The following YIPF1 variants were observed in gnomAD, a reference collection of about 807,000 sequenced individuals.
YIPF1 encodes the protein Yip1 domain family member 1, also known as protein YIPF1.
A neutral mutation model predicts 37.0 loss-of-function variants in YIPF1; 22 were observed. The ratio of observed to expected loss-of-function variants is 0.59; its 90% CI spans 0.42 to 0.85. The LOEUF is 0.85. Ranked by LOEUF, YIPF1 falls within the 40% of genes least tolerant of loss-of-function variation. The pLI is 0.00. For synonymous variants in YIPF1, 128 were observed against 131.9 expected, an observed-to-expected ratio of 0.97 and a Z score of 0.21; for missense variants, 355 against 373.1, an observed-to-expected ratio of 0.95 and a Z score of 0.40.
rs1353343432 is a variant in YIPF1, at chr1:53,871,484, G to A, written c.369C>T (p.Pro123=). The change falls in exon 7 of 11, where the codon CCC becomes CCT. Residue 123 remains proline, a synonymous_variant. Coordinates refer to ENST00000072644, the MANE Select transcript of YIPF1 (RefSeq NM_018982.5). ...AGACCAACGTGGCACATATCCAAAA[G>A]GGGCCTGCAAAGGAAACCAGAAAAT... ...YIRSNPDLYG[P]FWICATLVFA... is the part of the protein sequence containing the mutation. 3 of 1,612,718 alleles carry A rather than the reference G, an allele frequency of 1.9e-6. No individual in the cohort carries two copies. The highest frequency in any genetic ancestry group is 2.5e-6 in the Non-Finnish European group (3 of 1,179,364).
In YIPF1 at chr1:53,866,247, T is replaced by A. The variant is rs189364286; in HGVS notation, c.784A>T (p.Ile262Phe). Residue 262 changes from isoleucine (I) to phenylalanine (F), a missense_variant, in exon 9 of 11, where the codon ATT (isoleucine) becomes TTT (phenylalanine). Coordinates refer to ENST00000072644, the MANE Select transcript of YIPF1 (RefSeq NM_018982.5). ...ATATGGAGCAACACAATTGTCACAA[T>A]TGTGGCCAATGCAACGCGTCGGTTA... ...EDNRRVALAT[I>F]VTIVLLHMLL... The A allele has an allele frequency of 1.7e-5, 28 of 1,614,170 alleles. No homozygotes were observed. The African/African-American group carries it at 3.7e-4, about 22-fold the overall frequency.
chr1:53,879,444 C>T (rs1189212309), intron 4 of YIPF1, among the ~76,000 whole-genome samples: 1 of 151,974 alleles, frequency 6.6e-6, no homozygotes, highest in East Asian at 1.9e-4. Context: ...CCTACTATTG[C>T]CACCTGAATT....
At chr1:53,878,459 C>T in intron 5 of YIPF1, 57 bp from the exon 6 acceptor site, 3 of 1,571,426 alleles carry the variant, frequency 1.9e-6, no homozygotes, top group Non-Finnish European at 2.6e-6. Flanking sequence ...ATAAATTCAA[C>T]TACTACAAAA....
At chr1:53,884,178 T>A (rs1376101785) in intron 3 of YIPF1, among the ~76,000 whole-genome samples, 1 of 143,100 alleles carries the variant, frequency 7.0e-6, no homozygotes, top group East Asian at 2.1e-4. Flanking sequence ...GAGGCTGCAG[T>A]GAGCCGTGAT....
At chr1:53,867,475 C>G (rs1650062259) in intron 7 of YIPF1, among the ~76,000 whole-genome samples, 1 of 151,416 alleles carries the variant, frequency 6.6e-6, no homozygotes. Flanking sequence ...CGGGTTCACG[C>G]CATTCTCCTG....
chr1:53,857,980 C>CAA (rs34358598), intron 10 of YIPF1, among the ~76,000 whole-genome samples: 13 of 96,996 alleles, frequency 1.3e-4, no homozygotes, highest in East Asian at 8.6e-4. Flanking sequence ...GACTCCACCT[C>CAA]AAAAAAAAAA....
At chr1:53,872,000 GTGTC>G (rs1399029330) in intron 6 of YIPF1, among the ~76,000 whole-genome samples, 1 of 144,416 alleles carries the variant, frequency 6.9e-6, no homozygotes, top group Non-Finnish European at 1.5e-5. Flanking sequence ...GTTGTGTTGA[GTGTC>G]AGTGTGTGTG....
In YIPF1 at chr1:53,866,928, AG is replaced by A; in HGVS notation, c.482-5del. ...ATGATGGTAGCTGCTATGGACACTG[AG>A]GATGACAGGACACAAGTTTCAATCT... is the stretch of plus-strand genomic sequence containing the variant. On this transcript the variant is annotated splice_polypyrimidine_tract_variant and splice_region_variant and intron_variant, in intron 7 of 10. Coordinates refer to ENST00000072644, the MANE Select transcript of YIPF1 (RefSeq NM_018982.5). The A allele has an allele frequency of 6.2e-7, 1 of 1,605,684 alleles. No homozygotes were observed. Among genetic ancestry groups the A allele is most frequent in the South Asian group, 1.1e-5 (1 of 89,638 alleles).
At position 53,866,201 on chromosome 1, in the gene YIPF1, A is replaced by C. The variant is rs762975332; in HGVS notation, c.830T>G (p.Leu277Trp). The change falls in exon 9 of 11, where the codon TTG becomes TGG. Residue 277 changes from leucine (L) to tryptophan (W), a missense_variant and splice_region_variant. Physicochemically the swap from Leu to Trp is moderately conservative, Grantham distance 61. Transcript: ENST00000072644. ...AAGAATATACGACTGAACCCATACCAAGCAGCCCACAGAAAGCAGCATATG... is the reference window on the plus strand; with the variant it reads ...AAGAATATACGACTGAACCCATACCCAGCAGCCCACAGAAAGCAGCATATG... ...LLHMLLSVGC[L>W]AYFFDAPEMD... 6.2e-7 allele frequency: 1 copy of C among 1,613,722 alleles called. No homozygotes were observed. Among genetic ancestry groups the C allele is most frequent in the African/African-American group, 1.3e-5 (1 of 74,908 alleles).
rs1489645334 is a variant in YIPF1 at position 53,851,853 on chromosome 1, G to A, written c.*426C>T. The A allele has an allele frequency of 6.6e-6, 1 of 152,180 alleles. No individual in the cohort carries two copies. Among genetic ancestry groups the A allele is most frequent in the African/African-American group, 2.4e-5 (1 of 41,432 alleles). The allele number at this position is 152,180 out of a possible 1,614,324, so 9.4% of individuals were successfully genotyped here. The stretch of plus-strand genomic sequence containing the variant: ...AGTTTCTACTGTTCGGCTACTTCAG[G>A]ATGGCTAACATTTGGAGAGAAGAGG... On this transcript the variant is annotated 3_prime_UTR_variant, in exon 11 of 11. Coordinates refer to ENST00000072644, the MANE Select transcript of YIPF1 (RefSeq NM_018982.5).
At chr1:53,856,166 C>T (rs950170802) in intron 10 of YIPF1, among the ~76,000 whole-genome samples, 2 of 152,190 alleles carry the variant, frequency 1.3e-5, no homozygotes, top group African/African-American at 2.4e-5. Context: ...CATTTGGAGA[C>T]TTGACACCCA....
intron 6 of YIPF1, among the ~76,000 whole-genome samples, chr1:53,875,759 T>C (rs1019042548): frequency 6.6e-6 from 1 of 152,216 alleles, no homozygotes; most frequent in African/African-American, 2.4e-5. Context: ...GATCCTTCTG[T>C]TTCAAGTGCT....
intron 6 of YIPF1, among the ~76,000 whole-genome samples, chr1:53,876,432 C>T (rs996341109): frequency 1.3e-5 from 2 of 152,174 alleles, no homozygotes; most frequent in Non-Finnish European, 2.9e-5. Context: ...AACTGCCTTC[C>T]TCTAACCTCC....
intron 4 of YIPF1, among the ~76,000 whole-genome samples, chr1:53,881,286 T>C (rs1242563705): frequency 6.9e-6 from 1 of 144,556 alleles, no homozygotes; most frequent in Non-Finnish European, 1.5e-5. Context: ...ATCTAGGGAA[T>C]ACCAATCAGG....
intron 3 of YIPF1, 82 bp from the exon 4 acceptor site, chr1:53,883,358 C>T (rs1650556338): frequency 3.6e-6 from 5 of 1,402,040 alleles, no homozygotes; most frequent in Non-Finnish European, 4.7e-6. Flanking sequence ...GACAAGCTGT[C>T]ACAACCTCAG....
At chr1:53,877,452 C>T (rs1650363048) in intron 6 of YIPF1, among the ~76,000 whole-genome samples, 1 of 152,194 alleles carries the variant, frequency 6.6e-6, no homozygotes, top group South Asian at 2.1e-4. Context: ...TGATCAAGTA[C>T]ACACACAGTC....
In YIPF1 at chr1:53,871,452, A is replaced by G. The variant is rs746655477; in HGVS notation, c.401T>C (p.Ile134Thr). The G allele has an allele frequency of 6.2e-7, 1 of 1,614,152 alleles. No individual in the cohort carries two copies. ...GTTGGAAAGATTCCCACTAATTGCT[A>G]TGGCAAAGACCAACGTGGCACATAT... ...FWICATLVFAIAISGNLSNFL... is the reference protein window; with the variant it reads ...FWICATLVFATAISGNLSNFL... The change falls in exon 7 of 11, where the codon ATA (isoleucine) becomes ACA (threonine). Residue 134 changes from isoleucine (I) to threonine (T), a missense_variant. Physicochemically the swap from Ile to Thr is moderately conservative, Grantham distance 89. Coordinates refer to ENST00000072644, the MANE Select transcript of YIPF1 (RefSeq NM_018982.5).
chr1:53,876,274 G>T (rs10788964), intron 6 of YIPF1, among the ~76,000 whole-genome samples: 6 of 151,858 alleles, frequency 4.0e-5, no homozygotes, highest in Non-Finnish European at 7.4e-5. Flanking sequence ...TTGGTTATAT[G>T]CATTGGAAGT....
At chr1:53,885,520 G>A (rs1211962774) in intron 3 of YIPF1, among the ~76,000 whole-genome samples, 2 of 151,640 alleles carry the variant, frequency 1.3e-5, no homozygotes, top group African/African-American at 4.8e-5. Flanking sequence ...AAAAAAGAAA[G>A]AAAAGTAAAG....
Sources: gnomAD v4.1 joint callset for allele counts (sites outside exome capture counted in the v4.1 genomes callset) on GRCh38, gnomAD v4.1.1 for gene constraint, MANE v1.5 for transcripts, NCBI Gene and HGNC (gene_info 2026-07-23, HGNC 2026-07-21) for gene names.